Variants in RPS6KL1 observed in about 807,000 individuals in gnomAD.
RPS6KL1 encodes the protein ribosomal protein S6 kinase like 1.
A neutral mutation model predicts 57.0 loss-of-function variants in RPS6KL1; 41 were observed. The ratio of observed to expected loss-of-function variants is 0.72; its 90% CI spans 0.56 to 0.93. The LOEUF (loss-of-function observed/expected upper bound fraction) is 0.93. Among genes scored for constraint, RPS6KL1 ranks in the 40% least tolerant of loss-of-function variants. The probability of loss-of-function intolerance (pLI) is 0.00; values close to 1 mark genes in which losing one functional copy is unlikely to be tolerated. For missense variants in RPS6KL1, 697 were observed against 727.7 expected, an observed-to-expected ratio of 0.96 and a Z score of 0.49; for synonymous variants, 287 against 309.7, an observed-to-expected ratio of 0.93 and a Z score of 0.77.
At position 74,906,250 on chromosome 14, in the gene RPS6KL1, C is replaced by A; in HGVS notation, c.*764G>T. The A allele has an allele frequency of 6.5e-6, 2 of 307,292 alleles. No individual in the cohort carries two copies. The highest frequency in any genetic ancestry group is 1.3e-5 in the Non-Finnish European group (2 of 153,782). 19.0% of individuals were successfully genotyped at this position (307,292 alleles called of 1,614,324 possible). On this transcript the variant is annotated 3_prime_UTR_variant, in exon 12 of 12. Coordinates refer to ENST00000557413, the MANE Select transcript of RPS6KL1 (RefSeq NM_031464.5). Reference sequence around the variant, plus strand: ...GGCTGCCCCTCTTCCCCCACACAGGCCCACTGGGGAGGAGGACTCTTGATT... The same window carrying A: ...GGCTGCCCCTCTTCCCCCACACAGGACCACTGGGGAGGAGGACTCTTGATT...
At position 74,922,687 on chromosome 14, in the gene RPS6KL1, G is replaced by A. The variant is rs191351216; in HGVS notation, c.-528-202C>T. Among the ~76,000 whole-genome samples the A allele has an allele frequency of 7.2e-5, 11 of 152,330 alleles. No homozygotes were observed. In the East Asian group the frequency reaches 2.1e-3, roughly 29 times the overall value. On this transcript the variant is annotated intron_variant, in intron 1 of 11. Transcript: ENST00000557413. Reference sequence around the variant, plus strand: ...CCAGGCGGCCAAAGGGATGACAGCCGTGGCTGCGGGAAGGGAAGGGGCTCA... The same window carrying A: ...CCAGGCGGCCAAAGGGATGACAGCCATGGCTGCGGGAAGGGAAGGGGCTCA...
chr14:74,909,240 A>G (rs201127494), intron 8 of RPS6KL1, 50 bp from the exon 9 acceptor site: 569 of 1,558,588 alleles, frequency 3.7e-4, no homozygotes, highest in South Asian at 5.3e-4. Flanking sequence ...GACAGCTGAT[A>G]CAGGGGAGGG....
chr14:74,919,600 A>G (rs114855319), intron 4 of RPS6KL1, among the ~76,000 whole-genome samples: 1,861 of 152,320 alleles, frequency 0.012, 36 homozygotes, highest in African/African-American at 0.037. Context: ...TCTGTGAGGG[A>G]GGCAGACGAC....
At position 74,919,872 on chromosome 14, in the gene RPS6KL1, C is replaced by T. The variant is rs145794660; in HGVS notation, c.363G>A (p.Pro121=). Residue 121 remains proline, a synonymous_variant, in exon 4 of 12, where the codon CCG becomes CCA. Transcript: ENST00000557413. The part of the protein sequence containing the change: ...EEIFNCHLQR[P]LSSGASPSAG... The stretch of plus-strand genomic sequence containing the variant: ...CGCTGGGGCTGGCTCCACTGCTCAG[C>T]GGCCGCTGCAGGTGGCAGTTGAAGA... 3.8e-4 allele frequency: 620 copies of T among 1,613,598 alleles called. No individual in the cohort carries two copies. Among genetic ancestry groups the T allele is most frequent in the Admixed American group, 1.1e-3 (65 of 60,018 alleles).
At chr14:74,909,042 C>T (rs977328847) in intron 9 of RPS6KL1, 59 bp downstream of exon 9, 3 of 1,588,492 alleles carry the variant, frequency 1.9e-6, no homozygotes, top group Non-Finnish European at 1.7e-6. Flanking sequence ...AGACTCTGGG[C>T]ACAACCCACA....
At position 74,908,893 on chromosome 14, in the gene RPS6KL1, CAG is replaced by C. The variant is rs1324678049; in HGVS notation, c.1398_1399del (p.Asp466GlufsTer10). Reference sequence around the variant, plus strand: ...ATACAGTAGAGACCCAAAGCTCCACCAGTCACAGGCTTCCGTCAGCTCGGAAA... The same window carrying C: ...ATACAGTAGAGACCCAAAGCTCCACCTCACAGGCTTCCGTCAGCTCGGAAA... On this transcript the variant is annotated frameshift_variant, in exon 10 of 12. Transcript: ENST00000557413. LOFTEE classifies it high-confidence loss of function. 9.3e-6 allele frequency: 15 copies of C among 1,614,016 alleles called. No homozygotes were observed. The highest frequency in any genetic ancestry group is 1.3e-5 in the Non-Finnish European group (15 of 1,179,994).
intron 2 of RPS6KL1, 81 bp from the exon 3 acceptor site, chr14:74,921,642 C>T: frequency 6.7e-7 from 1 of 1,490,426 alleles, no homozygotes; most frequent in Non-Finnish European, 8.9e-7. Flanking sequence ...CACTGAATGT[C>T]AGGGAGACTC....
chr14:74,916,345 T>C (rs923495173), intron 5 of RPS6KL1, among the ~76,000 whole-genome samples: 2 of 152,092 alleles, frequency 1.3e-5, no homozygotes, highest in Admixed American at 6.5e-5. Flanking sequence ...AGTCCTTAAG[T>C]TGAGTACCCA....
intron 7 of RPS6KL1, chr14:74,910,373 CTG>C: frequency 2.8e-6 from 1 of 363,466 alleles, no homozygotes; most frequent in South Asian, 1.4e-4. Flanking sequence ...GCCTTACAAA[CTG>C]GCACACCACC....
rs1367925423 is a variant in RPS6KL1 at position 74,919,924 on chromosome 14, G to A, written c.311C>T (p.Thr104Ile). ...ERREAVKLKI[T>I]KYLRRAEEIF... ...CTCCTCTGCCCGCCGCAGGTATTTG[G>A]TAATTTTCAGCTTCACAGCCTCACG... Residue 104 changes from threonine (T) to isoleucine (I), a missense_variant, in exon 4 of 12, where the codon ACC becomes ATC. Coordinates refer to ENST00000557413, the MANE Select transcript of RPS6KL1 (RefSeq NM_031464.5). The A allele has an allele frequency of 6.2e-7, 1 of 1,614,170 alleles. No homozygotes were observed. The highest frequency in any genetic ancestry group is 1.6e-4 in the Middle Eastern group (1 of 6,062).
intron 2 of RPS6KL1, 130 bp downstream of exon 2, chr14:74,921,848 G>A: frequency 1.5e-6 from 1 of 666,412 alleles, no homozygotes; most frequent in Non-Finnish European, 2.1e-6. Context: ...TGCGATCTCG[G>A]CTCACTGCAA....
intron 5 of RPS6KL1, among the ~76,000 whole-genome samples, chr14:74,916,427 G>A (rs1886856036): frequency 6.6e-6 from 1 of 152,236 alleles, no homozygotes; most frequent in Non-Finnish European, 1.5e-5. Context: ...GCTCACGCCT[G>A]TAATCCCAAG....
chr14:74,912,541 C>G (rs1886191637), intron 5 of RPS6KL1, among the ~76,000 whole-genome samples: 1 of 152,228 alleles, frequency 6.6e-6, no homozygotes, highest in African/African-American at 2.4e-5. Flanking sequence ...GAGCCAGTCA[C>G]TTCCTCTGAT....
chr14:74,922,438 C>A lies in RPS6KL1; in HGVS notation c.-481G>T. The stretch of plus-strand genomic sequence containing the variant: ...GTCAGTGTGGTCAGCGAGTGAGGAC[C>A]CCTCCTGGAGCCAGCAGAGAGCAGA... On this transcript the variant is annotated 5_prime_UTR_variant, in exon 2 of 12. Transcript: ENST00000557413. 1.4e-6 allele frequency: 1 copy of A among 702,340 alleles called. No homozygotes were observed. The highest frequency in any genetic ancestry group is 1.8e-6 in the Non-Finnish European group (1 of 570,506). The allele number at this position is 702,340 out of a possible 1,614,324, so 43.5% of individuals were successfully genotyped here.
chr14:74,917,217 C>A (rs1886998517), intron 5 of RPS6KL1, among the ~76,000 whole-genome samples: 1 of 152,250 alleles, frequency 6.6e-6, no homozygotes, highest in Admixed American at 6.5e-5. Flanking sequence ...ACAGCATGTG[C>A]CAGGTCTTTC....
intron 6 of RPS6KL1, 158 bp downstream of exon 6, chr14:74,911,636 T>C (rs1886009874): frequency 1.4e-6 from 1 of 724,834 alleles, no homozygotes; most frequent in Admixed American, 2.3e-5. Flanking sequence ...TGTGCATGCA[T>C]GTGTGTCCAT....
intron 7 of RPS6KL1, chr14:74,910,357 G>A: frequency 2.2e-6 from 1 of 446,196 alleles, no homozygotes; most frequent in Non-Finnish European, 3.8e-6. Context: ...AACTAAAGTG[G>A]GCCCAGCCTT....
Position 74,911,346 on chromosome 14 carries a change from C to T in RPS6KL1, c.566G>A (p.Arg189Gln), listed in dbSNP as rs762211521. Residue 189 changes from arginine to glutamine, a missense_variant, in exon 7 of 12, where the codon CGG becomes CAG. By Grantham distance (43) the Arg-to-Gln change is conservative (BLOSUM62 1). Coordinates refer to ENST00000557413, the MANE Select transcript of RPS6KL1 (RefSeq NM_031464.5). ...GACTCCGTGTGGGATGATGGTCAGC[C>T]GCTCCCTGCTCACCATGTGGCACCT... ...LPRCHMVSRERLTIIPHGVPY... is the reference protein window; with the variant it reads ...LPRCHMVSREQLTIIPHGVPY... 5.3e-5 allele frequency: 85 copies of T among 1,610,128 alleles called. No individual in the cohort carries two copies. Among genetic ancestry groups the T allele is most frequent in the African/African-American group, 1.9e-4 (14 of 74,900 alleles).
At chr14:74,908,704 T>G (rs1430064303) in intron 10 of RPS6KL1, 146 bp downstream of exon 10, 1 of 709,180 alleles carries the variant, frequency 1.4e-6, no homozygotes. Context: ...GTGTTGGGAG[T>G]GCTAAGTGTG....
Sources: allele counts gnomAD v4.1 joint callset (sites outside exome capture counted in the v4.1 genomes callset), GRCh38; gene constraint gnomAD v4.1.1; transcripts MANE v1.5; gene names NCBI Gene and HGNC (gene_info 2026-07-23, HGNC 2026-07-21).